The following BCKDHB variants were observed in gnomAD, a reference collection of about 807,000 sequenced individuals.
The protein encoded by BCKDHB is branched chain keto acid dehydrogenase E1 subunit beta, also known as 2-oxoisovalerate dehydrogenase subunit beta, mitochondrial.
Under a neutral mutation model 48.5 loss-of-function variants are expected in BCKDHB, and 41 were observed. That is an observed-to-expected ratio of 0.85 (90% CI 0.66 to 1.10). BCKDHB has a LOEUF of 1.10. Ranked by LOEUF, BCKDHB falls within the 50% of genes least tolerant of loss-of-function variation. BCKDHB has a pLI of 0.00. For missense variants in BCKDHB, 496 were observed against 494.2 expected (o/e 1.00, Z -0.03); for synonymous variants, 201 against 174.8 (o/e 1.15, Z -1.18).
chr6:80,217,406 A>G (rs1488568296), intron 8 of BCKDHB, among the ~76,000 whole-genome samples: 2 of 152,150 alleles, frequency 1.3e-5, no homozygotes, highest in South Asian at 2.1e-4. Flanking sequence ...TAATTAAGTT[A>G]TATAGTTTCT....
chr6:80,397,464 G>T, the BCKDHB span, among the ~76,000 whole-genome samples: 4,979 of 152,254 alleles, frequency 0.033, 218 homozygotes, highest in East Asian at 0.12. Context: ...TCAAGAGAAA[G>T]CAGAGGTAAT....
intron 8 of BCKDHB, among the ~76,000 whole-genome samples, chr6:80,232,034 C>T (rs1775946966): frequency 6.6e-6 from 1 of 152,248 alleles, no homozygotes; most frequent in Admixed American, 6.5e-5. Context: ...TCCAATAAAC[C>T]TTTTAAAATT....
rs142998457 is a variant in BCKDHB, at chr6:80,283,136, C to T, written c.1038+9915C>T. ...ATGTATGGCATATTTTGATTCATTG[C>T]TCTTATTACAGAAGTGAAAGCAGCA... On this transcript the variant is annotated intron_variant, in intron 9 of 9. Coordinates refer to ENST00000320393, the MANE Select transcript of BCKDHB (RefSeq NM_183050.4). Among the ~76,000 whole-genome samples, 249 of 152,098 alleles carry T rather than the reference C, an allele frequency of 1.6e-3. 2 individuals carry two copies. Among genetic ancestry groups the T allele is most frequent in the African/African-American group, 5.2e-3 (216 of 41,528 alleles).
At chr6:80,233,048 C>G (rs1255987783) in intron 8 of BCKDHB, among the ~76,000 whole-genome samples, 4 of 152,070 alleles carry the variant, frequency 2.6e-5, no homozygotes, top group Non-Finnish European at 4.4e-5. Context: ...CTTCCTTTCT[C>G]TCAGTACTCC....
chr6:80,243,426 C>G (rs1476341985), intron 8 of BCKDHB, among the ~76,000 whole-genome samples: 2 of 152,132 alleles, frequency 1.3e-5, no homozygotes, highest in Non-Finnish European at 2.9e-5. Context: ...TAAGAAGATT[C>G]AATGTAGATA....
At chr6:80,407,280 C>T in the BCKDHB span, among the ~76,000 whole-genome samples, 1 of 152,120 alleles carries the variant, frequency 6.6e-6, no homozygotes, top group Non-Finnish European at 1.5e-5. Context: ...AGTTTGAAGT[C>T]AGGTAGCATG....
chr6:80,219,566 A>G (rs1582382709), intron 8 of BCKDHB, among the ~76,000 whole-genome samples: 1 of 152,114 alleles, frequency 6.6e-6, no homozygotes, highest in Admixed American at 6.5e-5. Context: ...TACCTGCTGC[A>G]CAACAATCAC....
chr6:80,378,719 T>A, the BCKDHB span, among the ~76,000 whole-genome samples: 2 of 152,126 alleles, frequency 1.3e-5, no homozygotes, highest in Non-Finnish European at 2.9e-5. Flanking sequence ...CCATACTGTT[T>A]TCCATAGAGG....
chr6:80,162,743 C>G (rs1425906466), intron 3 of BCKDHB, among the ~76,000 whole-genome samples: 1 of 151,908 alleles, frequency 6.6e-6, no homozygotes, highest in Non-Finnish European at 1.5e-5. Flanking sequence ...CCCAGCTACT[C>G]GGGAGGCTGA....
the BCKDHB span, among the ~76,000 whole-genome samples, chr6:80,392,760 A>C: frequency 6.6e-6 from 1 of 151,544 alleles, no homozygotes; most frequent in African/African-American, 2.4e-5. Flanking sequence ...TTAATAGTCT[A>C]GTTAAAGTGA....
At chr6:80,359,963 A>G in the BCKDHB span, among the ~76,000 whole-genome samples, 2 of 152,172 alleles carry the variant, frequency 1.3e-5, no homozygotes, top group Admixed American at 6.6e-5. Flanking sequence ...CAGAGTGAAA[A>G]GAATGTTGTT....
chr6:80,463,550 C>T, the BCKDHB span, among the ~76,000 whole-genome samples: 21 of 151,984 alleles, frequency 1.4e-4, no homozygotes, highest in African/African-American at 4.1e-4. Context: ...ATTAGATTCT[C>T]TGAGGTTTTG....
the BCKDHB span, among the ~76,000 whole-genome samples, chr6:80,424,266 C>T: frequency 6.6e-6 from 1 of 152,138 alleles, no homozygotes; most frequent in Non-Finnish European, 1.5e-5. Context: ...AGCCAGAATT[C>T]TTATTGCATT....
intron 3 of BCKDHB, among the ~76,000 whole-genome samples, chr6:80,165,220 T>G (rs1772512143): frequency 6.6e-6 from 1 of 152,174 alleles, no homozygotes; most frequent in Non-Finnish European, 1.5e-5. Flanking sequence ...AGCTGGAATT[T>G]ACGTTCATTT....
At chr6:80,332,894 T>C (rs1335301357) in intron 9 of BCKDHB, among the ~76,000 whole-genome samples, 3 of 147,786 alleles carry the variant, frequency 2.0e-5, no homozygotes, top group African/African-American at 7.5e-5. Context: ...TCCTTCCTCT[T>C]ACTTGCTCAT....
chr6:80,138,555 G>T (rs1217875872), intron 3 of BCKDHB, among the ~76,000 whole-genome samples: 1 of 151,762 alleles, frequency 6.6e-6, no homozygotes, highest in African/African-American at 2.4e-5. Context: ...TTGGTTTTTT[G>T]TTCTTGCGAT....
At chr6:80,262,298 T>A (rs554953393) in intron 8 of BCKDHB, among the ~76,000 whole-genome samples, 58 of 152,300 alleles carry the variant, frequency 3.8e-4, no homozygotes, top group African/African-American at 1.2e-3. Context: ...GGGTATTTAG[T>A]ATGATGCCCT....
chr6:80,324,264 C>T (rs1768913895), intron 9 of BCKDHB, among the ~76,000 whole-genome samples: 1 of 152,124 alleles, frequency 6.6e-6, no homozygotes, highest in African/African-American at 2.4e-5. Context: ...TGACCATACC[C>T]AAGAATAATT....
At chr6:80,143,845 T>G (rs980220840) in intron 3 of BCKDHB, among the ~76,000 whole-genome samples, 4 of 152,148 alleles carry the variant, frequency 2.6e-5, no homozygotes, top group Non-Finnish European at 4.4e-5. Context: ...GTCAGAGGAT[T>G]CTTATTCTGT....
Sources: gnomAD v4.1 joint callset for allele counts (sites outside exome capture counted in the v4.1 genomes callset) on GRCh38, gnomAD v4.1.1 for gene constraint, MANE v1.5 for transcripts, NCBI Gene and HGNC (gene_info 2026-07-23, HGNC 2026-07-21) for gene names.